The following ERAP1 variants were observed in gnomAD, a reference collection of about 807,000 sequenced individuals.
ERAP1 encodes the protein endoplasmic reticulum aminopeptidase 1, also known as adipocyte-derived leucine aminopeptidase.
Under a neutral mutation model 103.7 loss-of-function variants are expected in ERAP1, and 86 were observed. That is an observed-to-expected ratio of 0.83 (90% CI 0.70 to 0.99). The LOEUF (loss-of-function observed/expected upper bound fraction) is 0.99. ERAP1 is among the 50% of genes least tolerant of loss of function. The pLI, the probability that ERAP1 is intolerant of heterozygous loss-of-function variation, is 0.00. For missense variants in ERAP1, 1,009 were observed against 1,128.4 expected, an observed-to-expected ratio of 0.89 and a Z score of 1.52; for synonymous variants, 398 against 402.4, an observed-to-expected ratio of 0.99 and a Z score of 0.13.
the ERAP1 span, chr5:96,883,702 A>G: frequency 7.6e-7 from 1 of 1,311,290 alleles, no homozygotes; most frequent in Non-Finnish European, 1.0e-6. Context: ...TATTACCCCC[A>G]GGTTTGATAA....
the ERAP1 span, among the ~76,000 whole-genome samples, chr5:96,858,184 T>C: frequency 6.6e-6 from 1 of 152,054 alleles, no homozygotes; most frequent in African/African-American, 2.4e-5. Flanking sequence ...CTGTTGACAA[T>C]TGTAAATTAT....
intron 11 of ERAP1, 42 bp downstream of exon 11, chr5:96,788,489 G>A (rs1253255144): frequency 3.1e-6 from 5 of 1,611,118 alleles, no homozygotes; most frequent in Non-Finnish European, 3.4e-6. Context: ...CAAGGCAGAT[G>A]TTACCTAGAC....
At chr5:96,793,711 C>A in intron 6 of ERAP1, 92 bp downstream of exon 6, 1 of 1,296,694 alleles carries the variant, frequency 7.7e-7, no homozygotes, top group Admixed American at 2.7e-5. Flanking sequence ...TAAAAAAAGA[C>A]AAAGTAAAAA....
At chr5:96,871,336 T>G in the ERAP1 span, among the ~76,000 whole-genome samples, 1 of 152,226 alleles carries the variant, frequency 6.6e-6, no homozygotes, top group Non-Finnish European at 1.5e-5. Context: ...TTGTAAACTG[T>G]CTTTTGTTCA....
downstream of ERAP1, chr5:96,771,550 A>C (rs903757861): frequency 4.8e-5 from 40 of 835,230 alleles, no homozygotes; most frequent in Middle Eastern, 1.4e-3. Context: ...TTCCCCACTG[A>C]CTGCCATCTT....
chr5:96,801,075 T>C, intron 2 of ERAP1, 75 bp from the exon 3 acceptor site: 1 of 1,500,538 alleles, frequency 6.7e-7, no homozygotes, highest in Non-Finnish European at 9.2e-7. Flanking sequence ...TGCTTTTTAA[T>C]TCCTAAAGTT....
intron 10 of ERAP1, among the ~76,000 whole-genome samples, chr5:96,789,679 C>G (rs1052992794): frequency 6.6e-6 from 1 of 152,168 alleles, no homozygotes; most frequent in Non-Finnish European, 1.5e-5. Flanking sequence ...TCCAGATGAA[C>G]AGAGACTCAG....
chr5:96,784,498 CAAACAGAT>C (rs1306313591), intron 13 of ERAP1, among the ~76,000 whole-genome samples: 3 of 14,262 alleles, frequency 2.1e-4, no homozygotes, highest in East Asian at 1.7e-3. Context: ...AATAAATAAA[CAAACAGAT>C]AGATAACTAC....
At chr5:96,774,400 C>CTAA (rs1267473363), downstream of ERAP1, 2 of 506,316 alleles carry the variant, frequency 4.0e-6, no homozygotes, top group South Asian at 8.5e-5. Context: ...TTGTTAATAA[C>CTAA]TAATAACTGG....
the ERAP1 span, among the ~76,000 whole-genome samples, chr5:96,825,859 C>CA: frequency 0.03 from 4,519 of 151,314 alleles, 118 homozygotes; most frequent in Admixed American, 0.066. Context: ...GTTTAAACAT[C>CA]AAAAAAAAAA....
Position 96,781,742 on chromosome 5 carries a change from G to C in ERAP1, c.2398C>G (p.Gln800Glu). 1 of 1,614,116 alleles carries C rather than the reference G, an allele frequency of 6.2e-7. No homozygotes were observed. The highest frequency in any genetic ancestry group is 2.2e-5 in the East Asian group (1 of 44,886). Reference protein sequence around the residue: ...QFSLSSTEKSQIEFALCRTQN... With the variant: ...QFSLSSTEKSEIEFALCRTQN... ...GTTCTGCAGAGGGCAAATTCAATTT[G>C]GCTTTTCTCAGTACTGGACAAAGAA... Residue 800 changes from glutamine (Q) to glutamate (E), a missense_variant, in exon 16 of 19, where the codon CAA becomes GAA. Physicochemically the swap from Gln to Glu is conservative, Grantham distance 29. Around this residue, in one of 3 missense-constraint regions of ERAP1, gnomAD observed 611 missense variants for 651.7 expected, o/e 0.94. Coordinates refer to ENST00000443439, the MANE Select transcript of ERAP1 (RefSeq NM_001040458.3).
At chr5:96,823,213 C>G in the ERAP1 span, 1 of 439,808 alleles carries the variant, frequency 2.3e-6, no homozygotes, top group Non-Finnish European at 4.6e-6. Context: ...CATCCTGTCA[C>G]CTTTGTCATA....
the ERAP1 span, among the ~76,000 whole-genome samples, chr5:96,836,595 T>C: frequency 1.3e-5 from 2 of 152,260 alleles, no homozygotes; most frequent in Non-Finnish European, 2.9e-5. Context: ...ATTTTTGGCA[T>C]ATTAGTGGCA....
At chr5:96,776,716 G>A (rs1309199943) in intron 18 of ERAP1, among the ~76,000 whole-genome samples, 165 bp from the exon 19 acceptor site, 2 of 152,192 alleles carry the variant, frequency 1.3e-5, no homozygotes, top group East Asian at 3.9e-4. Flanking sequence ...TATGAAATGA[G>A]CTCATGCCTC....
chr5:96,869,435 A>G, the ERAP1 span, among the ~76,000 whole-genome samples: 13 of 150,580 alleles, frequency 8.6e-5, no homozygotes, highest in South Asian at 1.5e-3. Flanking sequence ...GAAAGTTGAG[A>G]ATTAGCTTAC....
At chr5:96,898,003 C>T in the ERAP1 span, among the ~76,000 whole-genome samples, 1 of 152,168 alleles carries the variant, frequency 6.6e-6, no homozygotes, top group South Asian at 2.1e-4. Context: ...TTGAGACCAG[C>T]CTGGCCAATT....
At chr5:96,824,934 G>A in the ERAP1 span, among the ~76,000 whole-genome samples, 2 of 152,102 alleles carry the variant, frequency 1.3e-5, no homozygotes, top group South Asian at 4.2e-4. Context: ...CAGCTACTTG[G>A]GAGGCTGAGG....
chr5:96,783,189 CATGT>C lies in ERAP1; in HGVS notation c.2143_2146del (p.Thr715GlyfsTer46). On this transcript the variant is annotated frameshift_variant, in exon 15 of 19. Transcript: ENST00000443439. LOFTEE classifies it high-confidence loss of function. The stretch of plus-strand genomic sequence containing the variant: ...CTCTGAGACTGAGCCCTCGTCTGTC[CATGT>C]CTGCTTATCAATGAGGTCCCTTAGC... 6.2e-7 allele frequency: 1 copy of C among 1,613,544 alleles called. No homozygotes were observed. The highest frequency in any genetic ancestry group is 2.2e-5 in the East Asian group (1 of 44,882).
the ERAP1 span, among the ~76,000 whole-genome samples, chr5:96,847,297 CA>C: frequency 1.3e-5 from 2 of 148,974 alleles, no homozygotes; most frequent in African/African-American, 4.9e-5. Context: ...ATACAGCTTT[CA>C]AAACTTGTTT....
Sources: allele counts gnomAD v4.1 joint callset (sites outside exome capture counted in the v4.1 genomes callset), GRCh38; gene constraint gnomAD v4.1.1; regional missense constraint gnomAD v4.1.1; transcripts MANE v1.5; gene names NCBI Gene and HGNC (gene_info 2026-07-23, HGNC 2026-07-21).